COX7B2: variants seen among roughly 807,000 people sequenced by gnomAD.
COX7B2 encodes cytochrome c oxidase subunit 7B2.
For synonymous variants in COX7B2, 37 were observed against 32.1 expected (o/e 1.15, Z -0.51); for missense variants, 109 against 95.9 (o/e 1.14, Z -0.57).
At chr4:46,884,696 T>A (rs1718967058) in intron 1 of COX7B2, among the ~76,000 whole-genome samples, 1 of 152,218 alleles carries the variant, frequency 6.6e-6, no homozygotes, top group Non-Finnish European at 1.5e-5. Flanking sequence ...CTCCTTTTAT[T>A]GCTCTGTTTT....
chr4:46,746,525 A>G (rs560966093), intron 2 of COX7B2, among the ~76,000 whole-genome samples: 6 of 149,510 alleles, frequency 4.0e-5, no homozygotes, highest in African/African-American at 1.5e-4. Context: ...AAAGATGTCC[A>G]GTATACATTG....
At chr4:46,757,543 T>G (rs1715876550) in intron 2 of COX7B2, among the ~76,000 whole-genome samples, 1 of 152,106 alleles carries the variant, frequency 6.6e-6, no homozygotes, top group Admixed American at 6.6e-5. Context: ...AAGCCAAAGA[T>G]CTTTACCAAT....
chr4:46,770,193 C>T (rs1716791414), intron 2 of COX7B2, among the ~76,000 whole-genome samples: 1 of 152,098 alleles, frequency 6.6e-6, no homozygotes, highest in South Asian at 2.1e-4. Flanking sequence ...TGTTTCTATA[C>T]ACTAACAAGG....
intron 1 of COX7B2, among the ~76,000 whole-genome samples, chr4:46,901,391 A>T (rs1021276467): frequency 1.3e-5 from 2 of 152,224 alleles, no homozygotes; most frequent in African/African-American, 2.4e-5. Context: ...AGTTGGGGGT[A>T]GAAAAAATCA....
intron 1 of COX7B2, among the ~76,000 whole-genome samples, chr4:46,865,819 C>T (rs1376203518): frequency 3.9e-5 from 6 of 152,328 alleles, no homozygotes; most frequent in Non-Finnish European, 4.4e-5. Flanking sequence ...GAGAGTTCCA[C>T]GTCCTGGCAC....
intron 1 of COX7B2, among the ~76,000 whole-genome samples, chr4:46,893,000 C>G (rs562244368): frequency 5.3e-5 from 8 of 152,254 alleles, no homozygotes; most frequent in African/African-American, 1.9e-4. Flanking sequence ...GAGGTGCCTT[C>G]TGCCATGATT....
chr4:46,762,050 G>C (rs1716180496), intron 2 of COX7B2, among the ~76,000 whole-genome samples: 2 of 149,916 alleles, frequency 1.3e-5, no homozygotes, highest in South Asian at 4.2e-4. Context: ...CCTTGAGCAG[G>C]GTGCAAACTT....
intron 2 of COX7B2, among the ~76,000 whole-genome samples, chr4:46,823,239 T>C (rs1175595937): frequency 1.3e-5 from 2 of 151,970 alleles, no homozygotes; most frequent in Non-Finnish European, 2.9e-5. Context: ...ACTATTTATC[T>C]TATACAATAA....
chr4:46,908,001 G>A (rs1720511894), intron 1 of COX7B2, among the ~76,000 whole-genome samples: 2 of 151,758 alleles, frequency 1.3e-5, no homozygotes, highest in South Asian at 2.1e-4. Flanking sequence ...CTACAGGCGC[G>A]TGCGACCACG....
chr4:46,780,936 C>T (rs150100290), intron 2 of COX7B2, among the ~76,000 whole-genome samples: 2,088 of 152,300 alleles, frequency 0.014, 17 homozygotes, highest in Non-Finnish European at 0.02. Context: ...CTTCACAAAT[C>T]ATTAACATTT....
chr4:46,747,280 C>CTATTTTATTT (rs113440373), intron 2 of COX7B2, among the ~76,000 whole-genome samples: 109 of 102,418 alleles, frequency 1.1e-3, no homozygotes, highest in African/African-American at 3.1e-3. Flanking sequence ...CATTAAGCTC[C>CTATTTTATTT]TATTTTATTT....
chr4:46,874,724 G>GA lies in COX7B2; in HGVS notation c.-104-29711dup, dbSNP rs202227430. Among the ~76,000 whole-genome samples, 960 of 150,462 alleles carry GA rather than the reference G, an allele frequency of 6.4e-3. 12 individuals are homozygous for GA. The highest frequency in any genetic ancestry group is 0.023 in the African/African-American group (926 of 41,068). On this transcript the variant is annotated intron_variant, in intron 1 of 2. Coordinates refer to ENST00000355591, the MANE Select transcript of COX7B2 (RefSeq NM_130902.3). ...TAGATAAACTACTTTAAAATGTCAG[G>GA]AAAAAAAAATGTATACTTGGCCAAA...
chr4:46,753,239 T>C lies in COX7B2; in HGVS notation c.-49-17998A>G, dbSNP rs371860786. 1.2e-3 allele frequency among the ~76,000 whole-genome samples: 185 copies of C among 152,324 alleles called. 5 individuals carry two copies. The East Asian group carries it at 0.031, about 26-fold the overall frequency. On this transcript the variant is annotated intron_variant, in intron 2 of 2. Coordinates refer to ENST00000355591, the MANE Select transcript of COX7B2 (RefSeq NM_130902.3). ...TATAGTATTCTCTGATGGTAGTTTGTATTTCTGTGGGATCGGTGGTGATAT... is the reference window on the plus strand; with the variant it reads ...TATAGTATTCTCTGATGGTAGTTTGCATTTCTGTGGGATCGGTGGTGATAT...
intron 2 of COX7B2, among the ~76,000 whole-genome samples, chr4:46,840,152 C>T (rs533255012): frequency 6.6e-6 from 1 of 151,432 alleles, no homozygotes; most frequent in South Asian, 2.1e-4. Context: ...TGCAAGGTGA[C>T]TCTCTAGTTC....
intron 2 of COX7B2, among the ~76,000 whole-genome samples, chr4:46,807,256 C>T (rs1719050129): frequency 6.6e-6 from 1 of 151,754 alleles, no homozygotes; most frequent in Non-Finnish European, 1.5e-5. Flanking sequence ...TTTCATTTTC[C>T]TAATGGTTAA....
intron 2 of COX7B2, among the ~76,000 whole-genome samples, chr4:46,776,825 C>T (rs1479996890): frequency 6.6e-6 from 1 of 152,094 alleles, no homozygotes; most frequent in African/African-American, 2.4e-5. Context: ...ATAGGATCTC[C>T]AACAGTTCTA....
At position 46,797,351 on chromosome 4, in the gene COX7B2, G is replaced by A. The variant is rs1718418264; in HGVS notation, c.-50+47609C>T. Among the ~76,000 whole-genome samples the A allele has an allele frequency of 2.0e-5, 3 of 152,142 alleles. No homozygotes were observed. In the South Asian group the frequency reaches 6.2e-4, roughly 32 times the overall value. On this transcript the variant is annotated intron_variant, in intron 2 of 2. Transcript: ENST00000355591. ...TCACGGTGTTCTACCAGTCAAAGGA[G>A]GGATTTATGAAGGCCATGTGATTAA...
At chr4:46,749,362 T>G (rs1240400371) in intron 2 of COX7B2, among the ~76,000 whole-genome samples, 1 of 152,196 alleles carries the variant, frequency 6.6e-6, no homozygotes, top group African/African-American at 2.4e-5. Context: ...TCATTTCATA[T>G]GCTTTCTTTA....
intron 1 of COX7B2, among the ~76,000 whole-genome samples, chr4:46,907,731 G>A (rs926935753): frequency 6.7e-6 from 1 of 150,170 alleles, no homozygotes; most frequent in Non-Finnish European, 1.5e-5. Flanking sequence ...AAAAAAATAG[G>A]AACAACTATT....
Sources: allele counts gnomAD v4.1 joint callset (sites outside exome capture counted in the v4.1 genomes callset), GRCh38; gene constraint gnomAD v4.1.1; transcripts MANE v1.5; gene names NCBI Gene and HGNC (gene_info 2026-07-23, HGNC 2026-07-21).